The following SLC17A4 variants were observed in gnomAD, a reference collection of about 807,000 sequenced individuals.
The protein encoded by SLC17A4 is probable small intestine urate exporter.
In SLC17A4, 33 loss-of-function variants were observed where a neutral mutation model predicts 52.5. That is an observed-to-expected ratio of 0.63 (90% CI 0.48 to 0.84). The LOEUF is 0.84. Ranked by LOEUF, SLC17A4 falls within the 40% of genes least tolerant of loss-of-function variation. The probability of loss-of-function intolerance (pLI) is 0.00; values close to 1 mark genes in which losing one functional copy is unlikely to be tolerated. For missense variants in SLC17A4, 585 were observed against 597.1 expected (o/e 0.98, Z 0.21); for synonymous variants, 225 against 216.2 (o/e 1.04, Z -0.36).
chr6:25,760,082 C>A (rs534243676), intron 1 of SLC17A4, among the ~76,000 whole-genome samples: 1 of 152,214 alleles, frequency 6.6e-6, no homozygotes, highest in African/African-American at 2.4e-5. Context: ...TAGCTCATTT[C>A]CCCACATTTT....
chr6:25,777,252 C>A, intron 10 of SLC17A4: 1 of 340,832 alleles, frequency 2.9e-6, no homozygotes, highest in Non-Finnish European at 5.3e-6. Flanking sequence ...TTGCCTAAGG[C>A]GGAATCACTG....
chr6:25,768,161 G>T (rs1762176152), intron 2 of SLC17A4, among the ~76,000 whole-genome samples: 1 of 152,114 alleles, frequency 6.6e-6, no homozygotes, highest in African/African-American at 2.4e-5. Context: ...TGGGGATGGG[G>T]AACTAAATGC....
chr6:25,774,871 C>T (rs1762772335), intron 8 of SLC17A4, among the ~76,000 whole-genome samples: 1 of 152,200 alleles, frequency 6.6e-6, no homozygotes. Flanking sequence ...TCGGCTTACG[C>T]ATCTGTAAAA....
Position 25,770,157 on chromosome 6 carries a change from T to A in SLC17A4, c.388T>A (p.Tyr130Asn), listed in dbSNP as rs753666751. ...GSFLAPIPSG[Y>N]VAGIFGAKYV... ...ATTCTTGGCTCCAATCCCCAGTGGC[T>A]ATGTGGCTGGAATATTTGGAGCCAA... The change falls in exon 4 of 12, where the codon TAT becomes AAT. Residue 130 changes from tyrosine (Y) to asparagine (N), a missense_variant. Tyr to Asn is a moderately radical substitution (Grantham distance 143, BLOSUM62 -2). Coordinates refer to ENST00000377905, the MANE Select transcript of SLC17A4 (RefSeq NM_005495.3). 1 of 1,613,988 alleles carries A rather than the reference T, an allele frequency of 6.2e-7. No homozygotes were observed.
chr6:25,774,792 A>AAGTCAAG (rs1344977817), intron 8 of SLC17A4, among the ~76,000 whole-genome samples: 9 of 152,180 alleles, frequency 5.9e-5, no homozygotes. Context: ...CCAGGCTAAA[A>AAGTCAAG]AGTCAAGAGA....
At chr6:25,758,823 C>CT (rs1761258925) in intron 1 of SLC17A4, among the ~76,000 whole-genome samples, 1 of 151,930 alleles carries the variant, frequency 6.6e-6, no homozygotes, top group Non-Finnish European at 1.5e-5. Flanking sequence ...TTGGTTATTT[C>CT]TTTTCTTCTG....
chr6:25,761,371 A>G (rs1275414699), intron 1 of SLC17A4, among the ~76,000 whole-genome samples: 5 of 152,126 alleles, frequency 3.3e-5, no homozygotes, highest in Non-Finnish European at 7.4e-5. Flanking sequence ...TCATCCCCAC[A>G]GGCACTTAGA....
rs758465793 is a variant in SLC17A4, at chr6:25,769,114, C to G, written c.221C>G (p.Pro74Arg). 1.2e-6 allele frequency: 2 copies of G among 1,614,030 alleles called. No homozygotes were observed. Residue 74 changes from proline (P) to arginine (R), a missense_variant, in exon 3 of 12, where the codon CCC becomes CGC. Physicochemically the swap from Pro to Arg is moderately radical, Grantham distance 103. Transcript: ENST00000377905. Reference protein sequence around the residue: ...MVNNTAPPSQPNASTERPSTD... With the variant: ...MVNNTAPPSQRNASTERPSTD... Reference sequence around the variant, plus strand: ...AACAACACAGCCCCACCTAGCCAGCCCAATGCTTCCACAGAACGGCCCTCC... The same window carrying G: ...AACAACACAGCCCCACCTAGCCAGCGCAATGCTTCCACAGAACGGCCCTCC...
chr6:25,775,858 C>G (rs1023641823), intron 8 of SLC17A4, among the ~76,000 whole-genome samples: 3 of 152,144 alleles, frequency 2.0e-5, no homozygotes, highest in Non-Finnish European at 4.4e-5. Context: ...TGCTTATATA[C>G]TAGGTTTTTG....
At chr6:25,773,151 G>A in intron 6 of SLC17A4, 124 bp from the exon 7 acceptor site, 1 of 781,752 alleles carries the variant, frequency 1.3e-6, no homozygotes, top group Non-Finnish European at 2.2e-6. Context: ...CCATGCAAGG[G>A]ATAGATGCCA....
rs893844303 is a variant in SLC17A4 at position 25,780,051 on chromosome 6, C to A, written c.*863C>A. On this transcript the variant is annotated 3_prime_UTR_variant, in exon 12 of 12. Coordinates refer to ENST00000377905, the MANE Select transcript of SLC17A4 (RefSeq NM_005495.3). ...AACCATTCAACATTCACCTCATTAA[C>A]CTAAAATGTCTCCCAAAGATGTATG... The A allele has an allele frequency of 6.6e-6, 1 of 152,186 alleles. No individual in the cohort carries two copies. 9.4% of individuals were successfully genotyped at this position (152,186 alleles called of 1,614,324 possible). A position where few individuals can be genotyped will look rare whatever the true frequency, so the allele number is the denominator to read the frequency against.
intron 2 of SLC17A4, among the ~76,000 whole-genome samples, chr6:25,765,840 T>A (rs1350797614): frequency 6.6e-6 from 1 of 152,070 alleles, no homozygotes; most frequent in African/African-American, 2.4e-5. Context: ...GAAAATAATG[T>A]GAACTCAAAT....
At chr6:25,768,066 C>G (rs1440028924) in intron 2 of SLC17A4, among the ~76,000 whole-genome samples, 1 of 152,140 alleles carries the variant, frequency 6.6e-6, no homozygotes, top group Non-Finnish European at 1.5e-5. Context: ...ACAAATGTGG[C>G]AATCCTTCTT....
intron 2 of SLC17A4, among the ~76,000 whole-genome samples, chr6:25,762,770 T>C (rs1332291557): frequency 1.3e-5 from 2 of 152,170 alleles, no homozygotes; most frequent in Non-Finnish European, 2.9e-5. Context: ...GAAATGTGCA[T>C]GTTAGTACTC....
intron 2 of SLC17A4, among the ~76,000 whole-genome samples, chr6:25,766,653 T>C (rs776016433): frequency 4.6e-5 from 7 of 152,192 alleles, no homozygotes; most frequent in Non-Finnish European, 8.8e-5. Flanking sequence ...AGAATGAGTT[T>C]ACCTCCATGG....
intron 1 of SLC17A4, among the ~76,000 whole-genome samples, chr6:25,756,562 A>G (rs765323442): frequency 1.3e-5 from 2 of 151,984 alleles, no homozygotes; most frequent in Non-Finnish European, 2.9e-5. Context: ...TGCCTGCATC[A>G]CGCTGTCCCC....
At position 25,780,379 on chromosome 6, in the gene SLC17A4, G is replaced by A. The variant is rs1345519668; in HGVS notation, c.*1191G>A. ...TGGGTTATGAGAGTGGATGATAAGT[G>A]CACTAATCTGAGTGTAAGGAAGGGC... On this transcript the variant is annotated 3_prime_UTR_variant, in exon 12 of 12. Coordinates refer to ENST00000377905, the MANE Select transcript of SLC17A4 (RefSeq NM_005495.3). 6.6e-6 allele frequency: 1 copy of A among 152,208 alleles called. No homozygotes were observed. 9.4% of individuals were successfully genotyped at this position (152,208 alleles called of 1,614,324 possible).
rs34517537 is a variant in SLC17A4, at chr6:25,769,131, C to G, written c.238C>G (p.Arg80Gly). ...TAGCCAGCCCAATGCTTCCACAGAACGGCCCTCCACTGACTCCCAGGGCTA... is the reference window on the plus strand; with the variant it reads ...TAGCCAGCCCAATGCTTCCACAGAAGGGCCCTCCACTGACTCCCAGGGCTA... ...PPSQPNASTERPSTDSQGYWN... is the reference protein window; with the variant it reads ...PPSQPNASTEGPSTDSQGYWN... Residue 80 changes from arginine (R) to glycine (G), a missense_variant, in exon 3 of 12, where the codon CGG becomes GGG. Physicochemically the swap from Arg to Gly is moderately radical, Grantham distance 125 (BLOSUM62 -2). Coordinates refer to ENST00000377905, the MANE Select transcript of SLC17A4 (RefSeq NM_005495.3). 1 of 1,614,030 alleles carries G rather than the reference C, an allele frequency of 6.2e-7. No homozygotes were observed. Among genetic ancestry groups the G allele is most frequent in the Non-Finnish European group, 8.5e-7 (1 of 1,179,966 alleles).
intron 6 of SLC17A4, among the ~76,000 whole-genome samples, chr6:25,773,043 T>G (rs1054027216): frequency 1.3e-5 from 2 of 152,224 alleles, no homozygotes; most frequent in Non-Finnish European, 2.9e-5. Flanking sequence ...TCCTTTTTAA[T>G]GCCTAGGCTT....
Sources: allele counts gnomAD v4.1 joint callset (sites outside exome capture counted in the v4.1 genomes callset), GRCh38; gene constraint gnomAD v4.1.1; transcripts MANE v1.5; gene names NCBI Gene and HGNC (gene_info 2026-07-23, HGNC 2026-07-21).